The following CC2D2A variants were observed in gnomAD, a reference collection of about 807,000 sequenced individuals.
CC2D2A encodes the protein coiled-coil and C2 domain-containing protein 2A.
In CC2D2A, 155 loss-of-function variants were observed where a neutral mutation model predicts 212.9. The ratio of observed to expected loss-of-function variants is 0.73; its 90% confidence interval spans 0.64 to 0.83. CC2D2A has a LOEUF of 0.83. Among genes scored for constraint, CC2D2A ranks in the 40% least tolerant of loss-of-function variants. The pLI, the probability that CC2D2A is intolerant of heterozygous loss-of-function variation, is 0.00. For synonymous variants in CC2D2A, 667 were observed against 686.5 expected (o/e 0.97, Z 0.44); for missense variants, 1,856 against 1,956.2 (o/e 0.95, Z 0.97).
chr4:15,596,475 T>A (rs945719633), intron 34 of CC2D2A, among the ~76,000 whole-genome samples: 1 of 152,206 alleles, frequency 6.6e-6, no homozygotes, highest in African/African-American at 2.4e-5. Flanking sequence ...TCCATCTAAA[T>A]TTTTTAAATG....
chr4:15,587,566 C>T (rs562695810), intron 31 of CC2D2A, among the ~76,000 whole-genome samples: 13 of 152,132 alleles, frequency 8.5e-5, no homozygotes, highest in Non-Finnish European at 1.3e-4. Context: ...TTTTTCTCCC[C>T]GACCCTACCA....
chr4:15,501,332 T>C (rs1715938118), intron 4 of CC2D2A, among the ~76,000 whole-genome samples: 2 of 152,060 alleles, frequency 1.3e-5, no homozygotes, highest in Admixed American at 1.3e-4. Context: ...TTCCTTCCTA[T>C]CTCACACCAG....
chr4:15,547,684 CTACT>C, intron 17 of CC2D2A, among the ~76,000 whole-genome samples: 1 of 152,262 alleles, frequency 6.6e-6, no homozygotes, highest in Non-Finnish European at 1.5e-5. Flanking sequence ...TTATAAATAC[CTACT>C]TAAAGCCCAA....
chr4:15,582,695 TAATGA>T (rs2109085483), intron 30 of CC2D2A, among the ~76,000 whole-genome samples: 1 of 152,302 alleles, frequency 6.6e-6, no homozygotes, highest in Admixed American at 6.5e-5. Flanking sequence ...ATTGAAGCTG[TAATGA>T]AAAGTCTCCT....
chr4:15,511,604 C>A, intron 8 of CC2D2A, 181 bp downstream of exon 8: 1 of 482,498 alleles, frequency 2.1e-6, no homozygotes, highest in South Asian at 4.5e-5. Context: ...CTGGGTTAGA[C>A]CCTACAATGT....
intron 2 of CC2D2A, 84 bp downstream of exon 2, chr4:15,476,055 G>A (rs1275455152): frequency 1.7e-6 from 2 of 1,173,312 alleles, no homozygotes; most frequent in Non-Finnish European, 2.5e-6. Context: ...AGGAAGTTAG[G>A]CCAACCAGCA....
chr4:15,585,998 T>C (rs1720841746), intron 30 of CC2D2A, among the ~76,000 whole-genome samples, 159 bp from the exon 31 acceptor site: 2 of 152,216 alleles, frequency 1.3e-5, no homozygotes, highest in South Asian at 4.1e-4. Flanking sequence ...TATAGGATGT[T>C]TGGTGAGGAT....
intron 11 of CC2D2A, among the ~76,000 whole-genome samples, chr4:15,524,392 A>G (rs972347495): frequency 2.6e-5 from 4 of 151,324 alleles, no homozygotes; most frequent in Admixed American, 2.0e-4. Context: ...TGGCCTCCCA[A>G]AGGGCTGGGA....
At chr4:15,588,505 G>C (rs1720951583) in intron 32 of CC2D2A, among the ~76,000 whole-genome samples, 1 of 152,106 alleles carries the variant, frequency 6.6e-6, no homozygotes, top group Non-Finnish European at 1.5e-5. Flanking sequence ...CTACATTTGT[G>C]ATGCAAATAG....
At chr4:15,493,196 T>C (rs1041373337) in intron 4 of CC2D2A, among the ~76,000 whole-genome samples, 2 of 152,314 alleles carry the variant, frequency 1.3e-5, no homozygotes, top group African/African-American at 4.8e-5. Flanking sequence ...CCCCACTTTC[T>C]TCACCTGTTC....
intron 33 of CC2D2A, among the ~76,000 whole-genome samples, chr4:15,593,292 G>C (rs1396279968): frequency 6.6e-6 from 1 of 152,066 alleles, no homozygotes; most frequent in Non-Finnish European, 1.5e-5. Context: ...TAAAGATCTT[G>C]TCTTGAGCCA....
rs551669488 is a variant in CC2D2A, at chr4:15,470,087, T to A, written c.-19+30T>A. ...ATCAGTCCCTAACCGGACTTTAGGCTGCAACAGTGATTTCCTGTTTTCAGT... is the reference window on the plus strand; with the variant it reads ...ATCAGTCCCTAACCGGACTTTAGGCAGCAACAGTGATTTCCTGTTTTCAGT... On this transcript the variant is annotated intron_variant, in intron 1 of 36. Coordinates refer to ENST00000424120, the MANE Select transcript of CC2D2A (RefSeq NM_001378615.1). 9 of 152,358 alleles carry A rather than the reference T, an allele frequency of 5.9e-5. 1 individual carries two copies. In the South Asian group the frequency reaches 1.4e-3, roughly 25 times the overall value. 9.4% of individuals were successfully genotyped at this position (152,358 alleles called of 1,614,324 possible). A position where few individuals can be genotyped will look rare whatever the true frequency, so the allele number is the denominator to read the frequency against.
rs555608759 is a variant in CC2D2A at position 15,566,005 on chromosome 4, G to C, written c.3183-1372G>C. Among the ~76,000 whole-genome samples the C allele has an allele frequency of 3.3e-5, 5 of 152,302 alleles. No individual in the cohort carries two copies. In the South Asian group the frequency reaches 1.0e-3, roughly 32 times the overall value. On this transcript the variant is annotated intron_variant, in intron 24 of 36. Transcript: ENST00000424120. The stretch of plus-strand genomic sequence containing the variant: ...TGCATTAAATGTTCCAATTACCTTT[G>C]TCTGAAACCTTAGCTGTGAAAGGTG...
intron 33 of CC2D2A, among the ~76,000 whole-genome samples, chr4:15,594,513 G>A (rs2148492362): frequency 6.6e-6 from 1 of 152,216 alleles, no homozygotes; most frequent in South Asian, 2.1e-4. Flanking sequence ...AGCTTCAGGT[G>A]TGTTTATTCT....
intron 4 of CC2D2A, among the ~76,000 whole-genome samples, chr4:15,491,464 G>A (rs772420869): frequency 1.3e-5 from 2 of 152,166 alleles, no homozygotes; most frequent in Non-Finnish European, 2.9e-5. Context: ...GAGTGCAGTG[G>A]TGCAATCTTG....
intron 30 of CC2D2A, 25 bp downstream of exon 30, chr4:15,580,196 GCTGTGCTAAAA>G (rs1720600256): frequency 3.8e-6 from 6 of 1,562,330 alleles, no homozygotes; most frequent in African/African-American, 1.4e-5. Flanking sequence ...GTCAATAAGT[GCTGTGCTAAAA>G]CTGTTTTCAC....
Position 15,567,759 on chromosome 4 carries a change from G to T in CC2D2A, c.3371G>T (p.Trp1124Leu). Reference sequence around the variant, plus strand: ...ACGGCTGAAGGACCAAACCCTAGCTGGAATGAAGAACTAGAACTTCCATTT... The same window carrying T: ...ACGGCTGAAGGACCAAACCCTAGCTTGAATGAAGAACTAGAACTTCCATTT... ...TTTAEGPNPS[W>L]NEELELPFRA... The change falls in exon 26 of 37, where the codon TGG becomes TTG. Residue 1124 changes from tryptophan (W) to leucine (L), a missense_variant. By Grantham distance (61) the Trp-to-Leu change is moderately conservative. This residue lies in a region of CC2D2A where 1,512 missense variants were observed against 1,579.3 expected (regional missense o/e 0.96). Transcript: ENST00000424120. 6.3e-7 allele frequency: 1 copy of T among 1,596,058 alleles called. No individual in the cohort carries two copies. Among genetic ancestry groups the T allele is most frequent in the Non-Finnish European group, 8.5e-7 (1 of 1,174,920 alleles).
intron 4 of CC2D2A, among the ~76,000 whole-genome samples, chr4:15,492,136 C>G (rs1715338298): frequency 6.6e-6 from 1 of 152,194 alleles, no homozygotes; most frequent in African/African-American, 2.4e-5. Context: ...CATCCCCACC[C>G]CATTAAATGG....
At chr4:15,515,020 A>C (rs1362381264) in intron 9 of CC2D2A, 151 bp downstream of exon 9, 3 of 270,828 alleles carry the variant, frequency 1.1e-5, no homozygotes, top group Non-Finnish European at 1.7e-5. Flanking sequence ...AACAAAAAAA[A>C]CACAACATGG....
Sources: gnomAD v4.1 joint callset for allele counts (sites outside exome capture counted in the v4.1 genomes callset) on GRCh38, gnomAD v4.1.1 for gene constraint, gnomAD v4.1.1 regional missense constraint, MANE v1.5 for transcripts, NCBI Gene and HGNC (gene_info 2026-07-23, HGNC 2026-07-21) for gene names.